C7orf78: variants seen among roughly 807,000 people sequenced by gnomAD.
C7orf78 encodes the protein chromosome 7 open reading frame 78, also known as putative uncharacterized protein C7orf78.
At chr7:12,537,703 T>C in the C7orf78 span, among the ~76,000 whole-genome samples, 1 of 152,180 alleles carries the variant, frequency 6.6e-6, no homozygotes, top group Non-Finnish European at 1.5e-5. Context: ...GAATTGCTTG[T>C]GATAACCTTT....
At chr7:12,510,211 T>A in the C7orf78 span, among the ~76,000 whole-genome samples, 1 of 151,974 alleles carries the variant, frequency 6.6e-6, no homozygotes, top group South Asian at 2.1e-4. Flanking sequence ...GATCCTACTC[T>A]GTCACCCAGG....
At chr7:12,535,338 G>A in the C7orf78 span, among the ~76,000 whole-genome samples, 1 of 152,194 alleles carries the variant, frequency 6.6e-6, no homozygotes, top group African/African-American at 2.4e-5. Flanking sequence ...GTGGATGGCA[G>A]CAGGCAAAAA....
At chr7:12,497,366 G>A in the C7orf78 span, among the ~76,000 whole-genome samples, 40 of 152,322 alleles carry the variant, frequency 2.6e-4, no homozygotes, top group African/African-American at 8.4e-4. Flanking sequence ...CAGTGAGTGC[G>A]CACACCGTGC....
At chr7:12,486,298 A>G in the C7orf78 span, among the ~76,000 whole-genome samples, 1 of 152,024 alleles carries the variant, frequency 6.6e-6, no homozygotes, top group African/African-American at 2.4e-5. Context: ...TAGTCCATGT[A>G]AAGTTCTATA....
At chr7:12,539,659 C>G in the C7orf78 span, among the ~76,000 whole-genome samples, 3 of 152,180 alleles carry the variant, frequency 2.0e-5, no homozygotes, top group Non-Finnish European at 4.4e-5. Flanking sequence ...GCTCACCACA[C>G]AGAAAGCCAA....
chr7:12,526,248 A>G, the C7orf78 span, among the ~76,000 whole-genome samples: 1 of 152,110 alleles, frequency 6.6e-6, no homozygotes, highest in Non-Finnish European at 1.5e-5. Context: ...TGGTTTCCTT[A>G]TCTGGAAATG....
the C7orf78 span, among the ~76,000 whole-genome samples, chr7:12,509,673 A>T: frequency 9.9e-5 from 15 of 152,224 alleles, no homozygotes; most frequent in Non-Finnish European, 1.8e-4. Flanking sequence ...CTCTATGTCC[A>T]TGTGATCAAG....
the C7orf78 span, chr7:12,525,811 C>T: frequency 1.0e-5 from 4 of 396,808 alleles, no homozygotes; most frequent in African/African-American, 6.2e-5. Context: ...CTTTCCTTTA[C>T]ATATCTAGTA....
chr7:12,493,564 C>G, the C7orf78 span, among the ~76,000 whole-genome samples: 46 of 152,180 alleles, frequency 3.0e-4, 1 homozygote, highest in Admixed American at 1.4e-3. Context: ...GATACTCATG[C>G]TCTTGGTCTG....
At chr7:12,529,580 A>T in the C7orf78 span, among the ~76,000 whole-genome samples, 1 of 152,206 alleles carries the variant, frequency 6.6e-6, no homozygotes, top group Non-Finnish European at 1.5e-5. Context: ...GTTAGTTTAC[A>T]GCTTGGTTTT....
the C7orf78 span, among the ~76,000 whole-genome samples, chr7:12,509,765 C>T: frequency 1.3e-5 from 2 of 152,204 alleles, no homozygotes; most frequent in South Asian, 2.1e-4. Flanking sequence ...ATAATGACTT[C>T]TATCTCCATC....
At chr7:12,489,336 G>A in the C7orf78 span, among the ~76,000 whole-genome samples, 1 of 151,982 alleles carries the variant, frequency 6.6e-6, no homozygotes, top group Non-Finnish European at 1.5e-5. Context: ...TTTATTTAAT[G>A]AAACACATTC....
At chr7:12,495,736 G>C in the C7orf78 span, among the ~76,000 whole-genome samples, 1 of 151,908 alleles carries the variant, frequency 6.6e-6, no homozygotes. Context: ...GCAATTATCT[G>C]TTCTATGAAA....
chr7:12,498,436 T>C, the C7orf78 span, among the ~76,000 whole-genome samples: 1 of 150,958 alleles, frequency 6.6e-6, no homozygotes, highest in African/African-American at 2.4e-5. Context: ...ACGTGAAGAA[T>C]GCAGAAGCCT....
chr7:12,507,405 G>C, the C7orf78 span: 1 of 181,306 alleles, frequency 5.5e-6, no homozygotes, highest in Non-Finnish European at 1.2e-5. Context: ...ACAGCCATGA[G>C]GCCAGCACTA....
chr7:12,528,891 C>T, the C7orf78 span: 10 of 398,256 alleles, frequency 2.5e-5, no homozygotes, highest in African/African-American at 2.1e-4. Flanking sequence ...CATTTGTCTT[C>T]CTATCTCTAG....
the C7orf78 span, among the ~76,000 whole-genome samples, chr7:12,523,659 G>C: frequency 3.3e-5 from 5 of 152,068 alleles, no homozygotes; most frequent in Non-Finnish European, 7.4e-5. Flanking sequence ...TTATCTGCCA[G>C]GTCAAGTGGC....
the C7orf78 span, among the ~76,000 whole-genome samples, chr7:12,500,251 G>C: frequency 6.6e-6 from 1 of 152,028 alleles, no homozygotes; most frequent in Non-Finnish European, 1.5e-5. Context: ...GAAGGAAATA[G>C]AGACACAAGA....
chr7:12,510,038 G>GA, the C7orf78 span, among the ~76,000 whole-genome samples: 60 of 137,878 alleles, frequency 4.4e-4, no homozygotes, highest in African/African-American at 8.3e-4. Flanking sequence ...CCATCTCAAG[G>GA]AAAAAAAAAA....
Sources: allele counts gnomAD v4.1 joint callset (sites outside exome capture counted in the v4.1 genomes callset), GRCh38; gene constraint gnomAD v4.1.1; transcripts MANE v1.5; gene names NCBI Gene and HGNC (gene_info 2026-07-23, HGNC 2026-07-21).